Variants in TRPM3 observed in about 807,000 individuals in gnomAD.
TRPM3 encodes the protein transient receptor potential cation channel subfamily M member 3.
TRPM3 carries 77 observed loss-of-function variants against 181.2 expected under a neutral mutation model. That is an observed-to-expected ratio of 0.42 (90% confidence interval 0.35 to 0.51). TRPM3 has a LOEUF of 0.51. TRPM3 is among the 20% of genes least tolerant of loss of function. TRPM3 has a pLI of 0.01. For missense variants in TRPM3, 1,759 were observed against 2,196.7 expected (o/e 0.80, Z 3.98); for synonymous variants, 745 against 796.4 (o/e 0.94, Z 1.09).
At chr9:70,978,337 G>C (rs2097327657) in intron 1 of TRPM3, among the ~76,000 whole-genome samples, 1 of 152,200 alleles carries the variant, frequency 6.6e-6, no homozygotes, top group African/African-American at 2.4e-5. Context: ...AGTGAGCAAA[G>C]CACATGCAAT....
chr9:71,219,092 T>C (rs1260357422), intron 1 of TRPM3, among the ~76,000 whole-genome samples: 1 of 152,172 alleles, frequency 6.6e-6, no homozygotes, highest in African/African-American at 2.4e-5. Context: ...GTGTAACGAT[T>C]GTGCTCAAAA....
rs1564496538 is a variant in TRPM3 at position 70,831,967 on chromosome 9, ATATATAT to A, written c.802-3956_802-3950del. On this transcript the variant is annotated intron_variant, in intron 5 of 25. Coordinates refer to ENST00000677713, the MANE Select transcript of TRPM3 (RefSeq NM_001366145.2). Reference sequence around the variant, plus strand: ...AACATTTTATGTACCCCATAAATATATATATATATATATATATATATATATATATACC... The same window carrying A: ...AACATTTTATGTACCCCATAAATATAATATATATATATATATATATATACC... Among the ~76,000 whole-genome samples, 241 of 66,210 alleles carry A rather than the reference ATATATAT, an allele frequency of 3.6e-3. 2 individuals carry two copies. Among genetic ancestry groups the A allele is most frequent in the Admixed American group, 7.5e-3 (50 of 6,640 alleles). The allele number at this position is 66,210 out of a possible 152,430, so 43.4% of individuals were successfully genotyped here. A position where few individuals can be genotyped will look rare whatever the true frequency, so the allele number is the denominator to read the frequency against.
At chr9:71,270,035 T>G (rs113002029) in intron 1 of TRPM3, among the ~76,000 whole-genome samples, 1,648 of 152,310 alleles carry the variant, frequency 0.011, 27 homozygotes, top group East Asian at 0.075. Context: ...CATATCCGGT[T>G]CTTTTCTCAT....
intron 1 of TRPM3, among the ~76,000 whole-genome samples, chr9:71,101,186 A>AT (rs1346191887): frequency 5.3e-5 from 8 of 152,124 alleles, no homozygotes; most frequent in African/African-American, 1.9e-4. Flanking sequence ...AGCATCAGTG[A>AT]TTTCAGGATT....
At chr9:71,356,201 CTTTTA>C (rs367659404) in intron 1 of TRPM3, among the ~76,000 whole-genome samples, 12 of 152,156 alleles carry the variant, frequency 7.9e-5, no homozygotes, top group Admixed American at 2.6e-4. Context: ...TTTTTTTAAA[CTTTTA>C]TTTTAAGTTC....
chr9:71,297,855 G>T (rs965149124), intron 1 of TRPM3, among the ~76,000 whole-genome samples: 6 of 152,060 alleles, frequency 3.9e-5, no homozygotes, highest in African/African-American at 1.4e-4. Flanking sequence ...CCACTTGACT[G>T]CCCAATTTCA....
chr9:71,409,829 T>G (rs1163307047), intron 1 of TRPM3, among the ~76,000 whole-genome samples: 1 of 152,164 alleles, frequency 6.6e-6, no homozygotes, highest in Non-Finnish European at 1.5e-5. Context: ...CACATTGCAC[T>G]TATTCTAAAA....
intron 1 of TRPM3, among the ~76,000 whole-genome samples, chr9:71,209,802 G>T (rs562472108): frequency 6.6e-6 from 1 of 152,130 alleles, no homozygotes; most frequent in Non-Finnish European, 1.5e-5. Context: ...GTCAATGACC[G>T]TCAATAAAGT....
intron 7 of TRPM3, among the ~76,000 whole-genome samples, chr9:70,762,781 G>A (rs896756610): frequency 3.3e-5 from 5 of 152,238 alleles, no homozygotes; most frequent in Non-Finnish European, 4.4e-5. Context: ...TTAAGTTCAC[G>A]CAACAAATAA....
chr9:70,909,909 G>A (rs1308224732), intron 1 of TRPM3, among the ~76,000 whole-genome samples: 1 of 152,128 alleles, frequency 6.6e-6, no homozygotes, highest in Non-Finnish European at 1.5e-5. Context: ...ACAATATGAA[G>A]TATTGATAAG....
rs573514333 is a variant in TRPM3, at chr9:71,008,261, A to G, written c.177+112917T>C. ...AACAGACCAATAACGAGTAACAAGA[A>G]TGAAGCAGTAATATACTCCCATTAA... is the stretch of plus-strand genomic sequence containing the variant. On this transcript the variant is annotated intron_variant, in intron 1 of 25. Transcript: ENST00000677713. 8.5e-5 allele frequency among the ~76,000 whole-genome samples: 13 copies of G among 152,292 alleles called. No individual in the cohort carries two copies. The East Asian group carries it at 2.3e-3, about 27-fold the overall frequency.
chr9:71,218,114 G>C (rs2080009604), intron 1 of TRPM3, among the ~76,000 whole-genome samples: 2 of 152,172 alleles, frequency 1.3e-5, no homozygotes, highest in Non-Finnish European at 2.9e-5. Context: ...AAGGGACGTG[G>C]TTATTTAAAT....
At chr9:70,848,793 C>T (rs1215410146) in intron 3 of TRPM3, among the ~76,000 whole-genome samples, 1 of 36,524 alleles carries the variant, frequency 2.7e-5, no homozygotes, top group Non-Finnish European at 6.3e-5. Flanking sequence ...CTGGCTAACA[C>T]GGTGAAACCC....
At chr9:70,904,507 G>GA (rs1156241779) in intron 1 of TRPM3, among the ~76,000 whole-genome samples, 1 of 152,056 alleles carries the variant, frequency 6.6e-6, no homozygotes, top group Non-Finnish European at 1.5e-5. Flanking sequence ...AAGGAGGAGG[G>GA]ATAAGAAGGC....
chr9:71,296,631 A>G (rs544308703), intron 1 of TRPM3, among the ~76,000 whole-genome samples: 1 of 152,228 alleles, frequency 6.6e-6, no homozygotes, highest in East Asian at 1.9e-4. Context: ...CTTGAATTTT[A>G]TTCTAATGCA....
chr9:70,926,534 T>G (rs2096723189), intron 1 of TRPM3, among the ~76,000 whole-genome samples: 1 of 152,168 alleles, frequency 6.6e-6, no homozygotes, highest in African/African-American at 2.4e-5. Context: ...TTGAACTACT[T>G]TAGATCTTAA....
rs367617241 is a variant in TRPM3 at position 71,239,382 on chromosome 9, T to C, written c.183+207271A>G. On this transcript the variant is annotated intron_variant, in intron 1 of 24. Transcript: ENST00000357533. ...CAATATTCTATAGGAAAATATACAT[T>C]ATTTTCAAAAATTAAGTCTGGCTTC... Among the ~76,000 whole-genome samples the C allele has an allele frequency of 1.6e-4, 24 of 152,270 alleles. No homozygotes were observed. The East Asian group carries it at 4.6e-3, about 29-fold the overall frequency.
At chr9:71,065,134 C>T (rs985449441) in intron 1 of TRPM3, among the ~76,000 whole-genome samples, 2 of 151,958 alleles carry the variant, frequency 1.3e-5, no homozygotes, top group African/African-American at 4.8e-5. Context: ...GAAACTTGTC[C>T]AAATCTCTGT....
chr9:71,031,164 T>C (rs1175033309), intron 1 of TRPM3, among the ~76,000 whole-genome samples: 1 of 152,190 alleles, frequency 6.6e-6, no homozygotes, highest in Non-Finnish European at 1.5e-5. Flanking sequence ...AAAAACAAGA[T>C]ACTTAATGAG....
Sources: gnomAD v4.1 joint callset for allele counts (sites outside exome capture counted in the v4.1 genomes callset) on GRCh38, gnomAD v4.1.1 for gene constraint, MANE v1.5 for transcripts, NCBI Gene and HGNC (gene_info 2026-07-23, HGNC 2026-07-21) for gene names.